The following ATP7A variants were observed in gnomAD, a reference collection of about 807,000 sequenced individuals.
ATP7A encodes the protein copper-transporting ATPase 1.
In ATP7A, 7 loss-of-function variants were observed where a neutral mutation model predicts 83.5. That is an observed-to-expected ratio of 0.08 (90% confidence interval 0.05 to 0.16). The LOEUF (loss-of-function observed/expected upper bound fraction) is 0.16. Ranked by LOEUF, ATP7A falls within the 10% of genes least tolerant of loss-of-function variation. The probability of loss-of-function intolerance (pLI) is 1.00; values close to 1 mark genes in which losing one functional copy is unlikely to be tolerated. For synonymous variants in ATP7A, 354 were observed against 395.2 expected (o/e 0.90, Z 1.24); for missense variants, 940 against 1,120.8 (o/e 0.84, Z 2.30).
intron 14 of ATP7A, 74 bp from the exon 15 acceptor site, chrX:78,029,176 T>G (rs1438909200): frequency 1.9e-6 from 2 of 1,026,508 alleles, no homozygotes; most frequent in Non-Finnish European, 2.7e-6. Flanking sequence ...TTTATTTAAA[T>G]AGTGTTAAGT....
intron 1 of ATP7A, among the ~76,000 whole-genome samples, chrX:77,931,892 C>T (rs1181584664): frequency 6.3e-4 from 57 of 91,107 alleles, no homozygotes; most frequent in African/African-American, 2.1e-3. Context: ...CCAGTAGGGG[C>T]GGCCGGGCAG....
chrX:77,924,966 A>G (rs1339025261), intron 1 of ATP7A, among the ~76,000 whole-genome samples: 1 of 111,986 alleles, frequency 8.9e-6, no homozygotes, highest in Non-Finnish European at 1.9e-5. Context: ...TGCTGGAATT[A>G]CAGGCATGAG....
intron 1 of ATP7A, among the ~76,000 whole-genome samples, chrX:77,932,130 G>C (rs1223974866): frequency 1.9e-5 from 2 of 106,562 alleles, no homozygotes; most frequent in Admixed American, 9.8e-5. Flanking sequence ...TGGGCGGAGG[G>C]GCTCCTCACT....
intron 1 of ATP7A, among the ~76,000 whole-genome samples, chrX:77,956,986 T>C (rs2077448867): frequency 9.2e-6 from 1 of 108,897 alleles, no homozygotes; most frequent in Admixed American, 9.9e-5. Flanking sequence ...TTGTAGAGAC[T>C]GAGTTTTGCC....
Position 77,989,155 on chromosome X carries a change from TA to T in ATP7A, c.611-77del, listed in dbSNP as rs1203103444. On this transcript the variant is annotated intron_variant, in intron 3 of 22. Coordinates refer to ENST00000341514, the MANE Select transcript of ATP7A (RefSeq NM_000052.7). Reference sequence around the variant, plus strand: ...TGAGAGAGAAACAATTATTTGTGGTTATTGATTTAGAAAACAGAATGTTTTC... The same window carrying T: ...TGAGAGAGAAACAATTATTTGTGGTTTTGATTTAGAAAACAGAATGTTTTC... 3 of 1,013,490 alleles carry T rather than the reference TA, an allele frequency of 3.0e-6. No individual in the cohort carries two copies. In the East Asian group the frequency reaches 9.2e-5, roughly 31 times the overall value. 83.5% of individuals were successfully genotyped at this position (1,013,490 alleles called of 1,213,427 possible).
At chrX:78,042,229 G>A (rs782656197) in intron 19 of ATP7A, among the ~76,000 whole-genome samples, 6 of 111,107 alleles carry the variant, frequency 5.4e-5, no homozygotes, top group African/African-American at 1.6e-4. Context: ...GGACATTTGG[G>A]TGGTTTTGAA....
At chrX:77,942,505 G>A (rs1557225769) in intron 1 of ATP7A, among the ~76,000 whole-genome samples, 2 of 110,367 alleles carry the variant, frequency 1.8e-5, no homozygotes, top group Non-Finnish European at 3.8e-5. Flanking sequence ...CTGGAGTGCA[G>A]TGGGGCGAGC....
chrX:77,911,524 G>A (rs150050702), intron 1 of ATP7A, among the ~76,000 whole-genome samples: 1,109 of 109,261 alleles, frequency 0.01, 17 homozygotes, highest in African/African-American at 0.035. Flanking sequence ...GAGAATATGT[G>A]CAGAACATTG....
At chrX:77,962,090 T>C (rs1289941643) in intron 1 of ATP7A, among the ~76,000 whole-genome samples, 3 of 111,545 alleles carry the variant, frequency 2.7e-5, no homozygotes, top group Admixed American at 9.6e-5. Flanking sequence ...ATTGGACTTC[T>C]TCAGACTTGA....
chrX:77,924,319 A>T (rs1557223391), intron 1 of ATP7A: 1 of 112,391 alleles, frequency 8.9e-6, no homozygotes, highest in Non-Finnish European at 1.9e-5. Flanking sequence ...TTTCTGTTCA[A>T]GAAGTATACA....
chrX:77,971,702 T>C lies in ATP7A; in HGVS notation c.61T>C (p.Ser21Pro). The C allele has an allele frequency of 1.7e-6, 2 of 1,208,957 alleles. No homozygotes were observed. Among genetic ancestry groups the C allele is most frequent in the Non-Finnish European group, 1.1e-6 (1 of 894,272 alleles). Reference protein sequence around the residue: ...TISVEGMTCNSCVWTIEQQIG... With the variant: ...TISVEGMTCNPCVWTIEQQIG... ...TTCTGTTGAGGGTATGACTTGCAATTCCTGTGTTTGGACCATTGAGCAGCA... is the reference window on the plus strand; with the variant it reads ...TTCTGTTGAGGGTATGACTTGCAATCCCTGTGTTTGGACCATTGAGCAGCA... The change falls in exon 2 of 23, where the codon TCC becomes CCC. Residue 21 changes from serine to proline, a missense_variant. Physicochemically the swap from Ser to Pro is moderately conservative, Grantham distance 74 (BLOSUM62 -1). Transcript: ENST00000341514.
At chrX:78,001,217 C>A (rs1257781343) in intron 5 of ATP7A, among the ~76,000 whole-genome samples, 1 of 111,083 alleles carries the variant, frequency 9.0e-6, no homozygotes, top group Non-Finnish European at 1.9e-5. Context: ...TGTTTGATAC[C>A]AACAAAGCCC....
chrX:77,915,196 T>TC (rs1269726749), intron 1 of ATP7A, among the ~76,000 whole-genome samples: 1 of 111,064 alleles, frequency 9.0e-6, no homozygotes, highest in Non-Finnish European at 1.9e-5. Context: ...GTGCCTGTAG[T>TC]CCCAGCTACT....
intron 6 of ATP7A, among the ~76,000 whole-genome samples, chrX:78,003,641 G>A (rs188716344): frequency 9.0e-6 from 1 of 110,909 alleles, no homozygotes; most frequent in East Asian, 2.8e-4. Context: ...TCTTTCCTGT[G>A]GAAATATGAT....
chrX:78,004,396 A>G (rs2077759734), intron 6 of ATP7A, among the ~76,000 whole-genome samples: 1 of 112,604 alleles, frequency 8.9e-6, no homozygotes, highest in Non-Finnish European at 1.9e-5. Flanking sequence ...ATTTATTTGT[A>G]TAACTTAAAA....
At chrX:78,026,530 A>C (rs959144393) in intron 14 of ATP7A, among the ~76,000 whole-genome samples, 3 of 111,960 alleles carry the variant, frequency 2.7e-5, no homozygotes, top group African/African-American at 9.7e-5. Flanking sequence ...GAGATCATCA[A>C]GGACAAAAAT....
At chrX:77,985,714 T>G (rs2077632854) in intron 2 of ATP7A, among the ~76,000 whole-genome samples, 1 of 110,478 alleles carries the variant, frequency 9.1e-6, no homozygotes, top group Admixed American at 9.7e-5. Flanking sequence ...TTCTATGAAA[T>G]TTTTTTTTAG....
At chrX:77,946,750 ACCT>A (rs1438422847) in intron 1 of ATP7A, among the ~76,000 whole-genome samples, 1 of 108,170 alleles carries the variant, frequency 9.2e-6, no homozygotes, top group African/African-American at 3.4e-5. Flanking sequence ...AAAAAAAAAA[ACCT>A]CAGAAAATAT....
At chrX:77,931,623 G>A (rs1290557553) in intron 1 of ATP7A, among the ~76,000 whole-genome samples, 1 of 108,460 alleles carries the variant, frequency 9.2e-6, no homozygotes, top group Non-Finnish European at 1.9e-5. Flanking sequence ...CCCGGACGGG[G>A]CGGCTGGCCG....
Sources: allele counts gnomAD v4.1 joint callset (sites outside exome capture counted in the v4.1 genomes callset), GRCh38; gene constraint gnomAD v4.1.1; transcripts MANE v1.5; gene names NCBI Gene and HGNC (gene_info 2026-07-23, HGNC 2026-07-21).